HTR4: variants seen among roughly 807,000 people sequenced by gnomAD.
HTR4 encodes the protein 5-hydroxytryptamine receptor 4, also known as 5-hydroxytryptamine (serotonin) receptor 4, G protein-coupled.
Under a neutral mutation model 36.8 loss-of-function variants are expected in HTR4, and 16 were observed. That is an observed-to-expected ratio of 0.43 (90% CI 0.29 to 0.66). The LOEUF (loss-of-function observed/expected upper bound fraction) is 0.66, where lower values mean the gene tolerates loss of function less well. HTR4 is among the 30% of genes least tolerant of loss of function. The pLI is 0.13. For synonymous variants in HTR4, 189 were observed against 185.1 expected, an observed-to-expected ratio of 1.02 and a Z score of -0.17; for missense variants, 438 against 490.9, an observed-to-expected ratio of 0.89 and a Z score of 1.02.
At position 148,506,098 on chromosome 5, in the gene HTR4, G is replaced by A. The variant is rs535539887; in HGVS notation, c.1076+3358C>T. 3.3e-5 allele frequency among the ~76,000 whole-genome samples: 5 copies of A among 152,268 alleles called. No homozygotes were observed. In the East Asian group the frequency reaches 9.6e-4, roughly 29 times the overall value. On this transcript the variant is annotated intron_variant, in intron 6 of 6. Transcript: ENST00000377888. ...CTAAGCCAAAAGAACAAAGCTGGAG[G>A]CATCATGCTACCTGACTTCAAACTA...
intron 4 of HTR4, among the ~76,000 whole-genome samples, chr5:148,548,318 G>T (rs1039229474): frequency 6.6e-6 from 1 of 152,174 alleles, no homozygotes; most frequent in Non-Finnish European, 1.5e-5. Context: ...CTGGGAAGAT[G>T]TACTCATTCT....
rs539208260 is a variant in HTR4, at chr5:148,622,785, TATAA to T, written c.26+14200_26+14203del. Among the ~76,000 whole-genome samples the T allele has an allele frequency of 1.8e-3, 268 of 152,382 alleles. 1 individual carries two copies. The highest frequency in any genetic ancestry group is 2.8e-3 in the Admixed American group (43 of 15,304). On this transcript the variant is annotated intron_variant, in intron 2 of 6. Transcript: ENST00000377888. ...ACGTTGTAAATTTTTTGAAGGACTA[TATAA>T]ATAAATCATTAATATAAGGTTTTAT...
chr5:148,576,110 C>CAAAAAAAAAAAAAAAA (rs781780161), intron 2 of HTR4, among the ~76,000 whole-genome samples: 22 of 32,702 alleles, frequency 6.7e-4, no homozygotes, highest in East Asian at 2.7e-3. Flanking sequence ...GACTCCGTCT[C>CAAAAAAAAAAAAAAAA]AAAAAAAAAA....
At chr5:148,619,963 A>T (rs1321089671) in intron 2 of HTR4, among the ~76,000 whole-genome samples, 1 of 152,230 alleles carries the variant, frequency 6.6e-6, no homozygotes, top group Non-Finnish European at 1.5e-5. Flanking sequence ...TTATGCTAAA[A>T]ATACTCATTA....
chr5:148,563,889 A>G (rs1005979565), intron 2 of HTR4, among the ~76,000 whole-genome samples: 1 of 152,156 alleles, frequency 6.6e-6, no homozygotes, highest in African/African-American at 2.4e-5. Context: ...CAAATCCCCT[A>G]TGGATACCAA....
chr5:148,592,281 G>A (rs1217259978), intron 2 of HTR4, among the ~76,000 whole-genome samples: 3 of 152,132 alleles, frequency 2.0e-5, no homozygotes, highest in East Asian at 3.9e-4. Context: ...TTACTATTGG[G>A]TACTGGGCTT....
At chr5:148,452,919 C>T (rs1321101659) in intron 5 of HTR4, among the ~76,000 whole-genome samples, 1 of 152,220 alleles carries the variant, frequency 6.6e-6, no homozygotes, top group Non-Finnish European at 1.5e-5. Flanking sequence ...GCTAGTGAGT[C>T]GTAGATGCTC....
chr5:148,493,798 T>C (rs1048991404), intron 6 of HTR4, among the ~76,000 whole-genome samples: 1 of 152,178 alleles, frequency 6.6e-6, no homozygotes, highest in Non-Finnish European at 1.5e-5. Context: ...TCTGCCCTGG[T>C]AGGGGTTAAT....
intron 4 of HTR4, among the ~76,000 whole-genome samples, chr5:148,538,967 C>T (rs1758969932): frequency 6.6e-6 from 1 of 152,190 alleles, no homozygotes. Flanking sequence ...CCTCACCTGA[C>T]TTCAACCTAT....
intron 5 of HTR4, among the ~76,000 whole-genome samples, chr5:148,458,854 T>G (rs953022941): frequency 6.6e-6 from 1 of 152,200 alleles, no homozygotes; most frequent in Non-Finnish European, 1.5e-5. Context: ...GAAGATTTTA[T>G]GTTTTTAATG....
At chr5:148,562,180 C>T (rs1328833766) in intron 2 of HTR4, among the ~76,000 whole-genome samples, 2 of 152,190 alleles carry the variant, frequency 1.3e-5, no homozygotes, top group Non-Finnish European at 1.5e-5. Flanking sequence ...TGTAGTTCCT[C>T]TAGCTGAGTT....
In HTR4 at chr5:148,568,020, G is replaced by A. The variant is rs145872512; in HGVS notation, c.27-17758C>T. ...CCACTGAAGACTATGTTGGAAATAC[G>A]GTTGTATCACCTACTACTACAACAT... is the stretch of plus-strand genomic sequence containing the variant. On this transcript the variant is annotated intron_variant, in intron 2 of 6. Coordinates refer to ENST00000377888, the MANE Select transcript of HTR4 (RefSeq NM_000870.7). 4.3e-3 allele frequency among the ~76,000 whole-genome samples: 661 copies of A among 152,144 alleles called. 6 individuals carry two copies. The highest frequency in any genetic ancestry group is 0.015 in the African/African-American group (629 of 41,508).
exon 6 of HTR4, chr5:148,451,063 C>T (rs1197960185): frequency 1.3e-6 from 2 of 1,530,854 alleles, no homozygotes; most frequent in East Asian, 2.3e-5. Flanking sequence ...CTCCTCTGGG[C>T]TCTCAGCCCC....
chr5:148,485,539 G>T (rs1756111139), intron 6 of HTR4, among the ~76,000 whole-genome samples: 1 of 152,170 alleles, frequency 6.6e-6, no homozygotes, highest in South Asian at 2.1e-4. Flanking sequence ...GAAACCTGCA[G>T]TGTGATGTGG....
At chr5:148,624,888 T>C (rs970889956) in intron 2 of HTR4, among the ~76,000 whole-genome samples, 1 of 152,148 alleles carries the variant, frequency 6.6e-6, no homozygotes, top group Non-Finnish European at 1.5e-5. Context: ...CTTCCAACAT[T>C]ATAAGATGTC....
At chr5:148,577,230 T>C (rs1283231022) in intron 2 of HTR4, among the ~76,000 whole-genome samples, 1 of 152,092 alleles carries the variant, frequency 6.6e-6, no homozygotes, top group Non-Finnish European at 1.5e-5. Flanking sequence ...TCAATATCAC[T>C]GACCATTAGG....
At chr5:148,456,028 T>C (rs963891404) in intron 5 of HTR4, among the ~76,000 whole-genome samples, 1 of 152,096 alleles carries the variant, frequency 6.6e-6, no homozygotes, top group African/African-American at 2.4e-5. Context: ...CCCACGTTGT[T>C]CAAGGCTCAA....
intron 5 of HTR4, among the ~76,000 whole-genome samples, chr5:148,454,867 C>T (rs924606103): frequency 1.3e-5 from 2 of 152,172 alleles, no homozygotes; most frequent in African/African-American, 4.8e-5. Flanking sequence ...CCCCATTGCT[C>T]TTGCCCCTGA....
chr5:148,500,440 A>G (rs1195768428), intron 6 of HTR4, among the ~76,000 whole-genome samples: 1 of 152,102 alleles, frequency 6.6e-6, no homozygotes, highest in Non-Finnish European at 1.5e-5. Flanking sequence ...GAAAACCAGG[A>G]AAGTATGGTG....
Sources: allele counts gnomAD v4.1 joint callset (sites outside exome capture counted in the v4.1 genomes callset), GRCh38; gene constraint gnomAD v4.1.1; transcripts MANE v1.5; gene names NCBI Gene and HGNC (gene_info 2026-07-23, HGNC 2026-07-21).